Variants in FHIT observed in about 807,000 individuals in gnomAD.
The protein encoded by FHIT is bis(5'-adenosyl)-triphosphatase.
In FHIT, 19 loss-of-function variants were observed where a neutral mutation model predicts 17.9. The observed-to-expected ratio is 1.06, with a 90% CI of 0.74 to 1.56. The LOEUF is 1.56. Among genes scored for constraint, FHIT ranks in the 40% most tolerant of loss-of-function variants. The pLI, the probability that FHIT is intolerant of heterozygous loss-of-function variation, is 0.00. For missense variants in FHIT, 248 were observed against 189.2 expected (o/e 1.31, Z -1.82); for synonymous variants, 81 against 69.7 (o/e 1.16, Z -0.81).
At chr3:59,866,891 T>C (rs1243665656) in intron 8 of FHIT, among the ~76,000 whole-genome samples, 1 of 152,040 alleles carries the variant, frequency 6.6e-6, no homozygotes, top group African/African-American at 2.4e-5. Flanking sequence ...CGGCTGATAA[T>C]TTAGGAAGGT....
rs1309325701 is a variant in FHIT at position 60,247,361 on chromosome 3, AAAG to A, written c.104-233212_104-233210del. 7.9e-5 allele frequency among the ~76,000 whole-genome samples: 12 copies of A among 151,550 alleles called. 1 individual carries two copies. Among genetic ancestry groups the A allele is most frequent in the South Asian group, 4.2e-4 (2 of 4,812 alleles). ...CAAATATCACAAGACCTTGCATCAGAAAGAAGAAGAAAGAAGAAAGAAGATAGA... is the reference window on the plus strand; with the variant it reads ...CAAATATCACAAGACCTTGCATCAGAAAGAAGAAAGAAGAAAGAAGATAGA... On this transcript the variant is annotated intron_variant, in intron 5 of 9. Coordinates refer to ENST00000492590, the MANE Select transcript of FHIT (RefSeq NM_002012.4).
chr3:60,899,344 G>A (rs370450277), intron 3 of FHIT, among the ~76,000 whole-genome samples: 2 of 151,962 alleles, frequency 1.3e-5, no homozygotes, highest in Non-Finnish European at 1.5e-5. Context: ...TTTGTATCTC[G>A]AACTTAGCTA....
rs1209271309 is a variant in FHIT at position 60,513,995 on chromosome 3, G to A, written c.103+22865C>T. Among the ~76,000 whole-genome samples, 4 of 152,186 alleles carry A rather than the reference G, an allele frequency of 2.6e-5. No individual in the cohort carries two copies. In the East Asian group the frequency reaches 7.7e-4, roughly 29 times the overall value. ...TGGACATCGGAGACTAGGTTGGGGAGAAGTTTGGCCAGGGACAGCCTTACT... is the reference window on the plus strand; with the variant it reads ...TGGACATCGGAGACTAGGTTGGGGAAAAGTTTGGCCAGGGACAGCCTTACT... On this transcript the variant is annotated intron_variant, in intron 5 of 9. Transcript: ENST00000492590.
At chr3:61,159,723 T>G (rs1051318065) in intron 2 of FHIT, among the ~76,000 whole-genome samples, 1 of 152,266 alleles carries the variant, frequency 6.6e-6, no homozygotes, top group Non-Finnish European at 1.5e-5. Flanking sequence ...ATTTCAATTT[T>G]TGGTTTGTTT....
chr3:60,743,619 A>G (rs1170784747), intron 4 of FHIT, among the ~76,000 whole-genome samples: 1 of 152,200 alleles, frequency 6.6e-6, no homozygotes, highest in African/African-American at 2.4e-5. Flanking sequence ...TTCTGAGAGT[A>G]AGGGAGATTT....
intron 8 of FHIT, among the ~76,000 whole-genome samples, chr3:59,909,464 C>A: frequency 6.6e-6 from 1 of 151,880 alleles, no homozygotes; most frequent in East Asian, 1.9e-4. Context: ...TGTGTACATG[C>A]GATTATGGGC....
chr3:60,018,664 C>T (rs1700435764), intron 5 of FHIT, among the ~76,000 whole-genome samples: 1 of 152,102 alleles, frequency 6.6e-6, no homozygotes, highest in Non-Finnish European at 1.5e-5. Context: ...ATAAACTACC[C>T]CAAATCATAG....
chr3:60,723,453 T>G lies in FHIT; in HGVS notation c.-18+98466A>C, dbSNP rs576913320. On this transcript the variant is annotated intron_variant, in intron 4 of 9. Transcript: ENST00000492590. ...GTGTGGTTTATGCTGAACACCTGCT[T>G]TCCTTCTGGGAGTCTGGAATTTGGG... Among the ~76,000 whole-genome samples the G allele has an allele frequency of 2.2e-4, 33 of 152,280 alleles. No homozygotes were observed. The East Asian group carries it at 5.4e-3, about 25-fold the overall frequency.
At chr3:60,244,522 C>T (rs1440304011) in intron 5 of FHIT, among the ~76,000 whole-genome samples, 1 of 151,960 alleles carries the variant, frequency 6.6e-6, no homozygotes, top group Non-Finnish European at 1.5e-5. Flanking sequence ...TGTTGATTAA[C>T]AGTAAATAGC....
intron 2 of FHIT, chr3:61,166,884 A>T (rs990281211): frequency 2.6e-5 from 4 of 152,254 alleles, no homozygotes; most frequent in African/African-American, 4.8e-5. Context: ...TGGCAATAAA[A>T]AAATCAACAA....
At chr3:59,894,073 C>T (rs937252561) in intron 8 of FHIT, among the ~76,000 whole-genome samples, 6 of 151,878 alleles carry the variant, frequency 4.0e-5, no homozygotes, top group Admixed American at 2.6e-4. Context: ...GGCAACATGG[C>T]GAAACCCTGC....
At chr3:60,200,386 C>T (rs1022850863) in intron 5 of FHIT, among the ~76,000 whole-genome samples, 1 of 152,160 alleles carries the variant, frequency 6.6e-6, no homozygotes, top group Admixed American at 6.6e-5. Context: ...GGATAATACT[C>T]AGCAGACCAC....
At chr3:61,229,712 T>C (rs1272294366) in intron 1 of FHIT, among the ~76,000 whole-genome samples, 1 of 152,148 alleles carries the variant, frequency 6.6e-6, no homozygotes, top group African/African-American at 2.4e-5. Flanking sequence ...CAGTACATAA[T>C]AGTGTTATTA....
intron 4 of FHIT, among the ~76,000 whole-genome samples, chr3:60,634,033 A>T (rs2039515791): frequency 6.6e-6 from 1 of 152,210 alleles, no homozygotes; most frequent in African/African-American, 2.4e-5. Context: ...TGTAAGTAGA[A>T]ATCACTGGAC....
chr3:61,208,643 CTT>C (rs1003374744), intron 1 of FHIT, among the ~76,000 whole-genome samples: 1 of 150,926 alleles, frequency 6.6e-6, no homozygotes, highest in Admixed American at 6.6e-5. Context: ...CAAACCCTGC[CTT>C]TTTTTTTGTT....
At chr3:61,094,852 G>C (rs758657224) in intron 2 of FHIT, among the ~76,000 whole-genome samples, 3 of 152,194 alleles carry the variant, frequency 2.0e-5, no homozygotes, top group Middle Eastern at 3.2e-3. Context: ...TCACAATGGA[G>C]CGAGACAGCA....
intron 2 of FHIT, chr3:61,167,176 A>AG (rs2037863959): frequency 6.6e-6 from 1 of 152,158 alleles, no homozygotes. Flanking sequence ...AATTCGATAC[A>AG]GGATTTTTCT....
intron 4 of FHIT, among the ~76,000 whole-genome samples, chr3:60,727,625 T>C (rs563843328): frequency 6.6e-6 from 1 of 152,336 alleles, no homozygotes; most frequent in Non-Finnish European, 1.5e-5. Flanking sequence ...TCAAAGAGCA[T>C]TTGTCCTATT....
intron 4 of FHIT, among the ~76,000 whole-genome samples, chr3:60,668,880 G>A (rs1316875500): frequency 6.6e-6 from 1 of 152,006 alleles, no homozygotes; most frequent in African/African-American, 2.4e-5. Context: ...GTCTTTCAGC[G>A]CTCTCATTTG....
Sources: allele counts gnomAD v4.1 joint callset (sites outside exome capture counted in the v4.1 genomes callset), GRCh38; gene constraint gnomAD v4.1.1; transcripts MANE v1.5; gene names NCBI Gene and HGNC (gene_info 2026-07-23, HGNC 2026-07-21).